The following HEATR5A variants were observed in gnomAD, a reference collection of about 807,000 sequenced individuals.
The protein encoded by HEATR5A is HEAT repeat-containing protein 5A.
A neutral mutation model predicts 218.8 loss-of-function variants in HEATR5A; 178 were observed. That is an observed-to-expected ratio of 0.81 (90% CI 0.72 to 0.92). HEATR5A has a LOEUF of 0.92. HEATR5A is among the 40% of genes least tolerant of loss of function. The pLI, the probability that HEATR5A is intolerant of heterozygous loss-of-function variation, is 0.00. For synonymous variants in HEATR5A, 864 were observed against 871.6 expected (o/e 0.99, Z 0.15); for missense variants, 2,420 against 2,418.9 (o/e 1.00, Z -0.01).
At chr14:31,314,410 C>T (rs8005726) in intron 27 of HEATR5A, among the ~76,000 whole-genome samples, 3,223 of 151,698 alleles carry the variant, frequency 0.021, 88 homozygotes, top group African/African-American at 0.067. Flanking sequence ...TATGCCACCA[C>T]GCCTGGCTAA....
At chr14:31,360,355 A>AGTC (rs1329066628) in intron 14 of HEATR5A, among the ~76,000 whole-genome samples, 1 of 152,186 alleles carries the variant, frequency 6.6e-6, no homozygotes, top group African/African-American at 2.4e-5. Flanking sequence ...TTTAAAAAAA[A>AGTC]TAAATTGGTA....
chr14:31,369,450 G>A (rs1298764159), intron 13 of HEATR5A, among the ~76,000 whole-genome samples: 2 of 151,336 alleles, frequency 1.3e-5, no homozygotes, highest in Non-Finnish European at 2.9e-5. Flanking sequence ...CTGTCTCTAT[G>A]AAAAACACAA....
intron 22 of HEATR5A, among the ~76,000 whole-genome samples, chr14:31,329,519 C>T (rs937828551): frequency 1.1e-4 from 17 of 152,308 alleles, no homozygotes; most frequent in Middle Eastern, 3.4e-3. Flanking sequence ...TCCTTTGATT[C>T]CATGTCTCAT....
chr14:31,317,488 G>T (rs1899951101), intron 26 of HEATR5A, among the ~76,000 whole-genome samples: 1 of 151,186 alleles, frequency 6.6e-6, no homozygotes, highest in Admixed American at 6.6e-5. Flanking sequence ...AGTAGACTGG[G>T]TTTCACCATG....
At chr14:31,350,544 C>A (rs1901184902) in intron 17 of HEATR5A, 68 bp downstream of exon 17, 2 of 848,902 alleles carry the variant, frequency 2.4e-6, no homozygotes, top group African/African-American at 3.5e-5. Flanking sequence ...CATCCTCCGA[C>A]AAACTTCATT....
At chr14:31,372,196 C>CAA (rs201678515) in intron 12 of HEATR5A, among the ~76,000 whole-genome samples, 76 of 75,504 alleles carry the variant, frequency 1.0e-3, no homozygotes, top group African/African-American at 2.2e-3. Flanking sequence ...AGCTTAGAAG[C>CAA]AAAAAAAAAA....
intron 18 of HEATR5A, 30 bp from the exon 19 acceptor site, chr14:31,347,937 A>C: frequency 7.4e-7 from 1 of 1,353,360 alleles, no homozygotes; most frequent in Non-Finnish European, 9.8e-7. Flanking sequence ...AATAAACGGT[A>C]ATCACTGCAA....
chr14:31,304,386 A>G (rs1375902663), intron 32 of HEATR5A, among the ~76,000 whole-genome samples: 1 of 152,202 alleles, frequency 6.6e-6, no homozygotes, highest in Non-Finnish European at 1.5e-5. Context: ...ATAGAAGAGC[A>G]TATCTATAAT....
Position 31,308,025 on chromosome 14 carries a change from G to A in HEATR5A, c.4691-5C>T, listed in dbSNP as rs1441651348. ...ATAGAAATTCCACGCTGATTCCTGT[G>A]GAAAGCAAAAAAAGAGGAGGAGGCT... On this transcript the variant is annotated splice_region_variant and splice_polypyrimidine_tract_variant and intron_variant, in intron 29 of 35. Transcript: ENST00000543095. 3 of 1,587,980 alleles carry A rather than the reference G, an allele frequency of 1.9e-6. No homozygotes were observed. The highest frequency in any genetic ancestry group is 1.9e-5 in the Admixed American group (1 of 52,514).
chr14:31,407,592 A>ATATATATATATATATATT, intron 1 of HEATR5A, among the ~76,000 whole-genome samples: 1 of 376 alleles, frequency 2.7e-3, no homozygotes, highest in African/African-American at 9.1e-3. Context: ...ATTTATATAT[A>ATATATATATATATATATT]TATATATATA....
chr14:31,347,648 G>T, intron 19 of HEATR5A, 100 bp downstream of exon 19: 1 of 893,462 alleles, frequency 1.1e-6, no homozygotes. Flanking sequence ...ATTACTATGG[G>T]AGGAAACTAT....
chr14:31,347,829 T>C lies in HEATR5A; in HGVS notation c.2787A>G (p.Gly929=). The part of the protein sequence containing the change: ...ALGSLHRYLG[G]ISSSQHLNSC... The stretch of plus-strand genomic sequence containing the variant: ...AATTTAGGTGTTGAGAAGAACTTAT[T>C]CCTCCTAAATACCTATGTAGGGACC... Residue 929 remains glycine (G), a synonymous_variant, in exon 19 of 36, where the codon GGA becomes GGG. Transcript: ENST00000543095. The C allele has an allele frequency of 6.2e-7, 1 of 1,604,166 alleles. No individual in the cohort carries two copies. The highest frequency in any genetic ancestry group is 8.5e-7 in the Non-Finnish European group (1 of 1,174,700).
At position 31,358,968 on chromosome 14, in the gene HEATR5A, G is replaced by A. The variant is rs1428488097; in HGVS notation, c.2161C>T (p.Leu721Phe). The A allele has an allele frequency of 6.3e-7, 1 of 1,590,504 alleles. No homozygotes were observed. Among genetic ancestry groups the A allele is most frequent in the African/African-American group, 1.4e-5 (1 of 73,232 alleles). Residue 721 changes from leucine to phenylalanine, a missense_variant, in exon 15 of 36, where the codon CTC becomes TTC. Coordinates refer to ENST00000543095, the MANE Select transcript of HEATR5A (RefSeq NM_015473.4). ...ATCAAAAGATCATCCTGATGACAGA[G>A]GGGTGGAAGTAAAAATGTAGATGCT... ...VAASTFLLPP[L>F]CHQDDLLILS...
At chr14:31,346,759 C>A (rs138259220) in intron 19 of HEATR5A, among the ~76,000 whole-genome samples, 2 of 151,738 alleles carry the variant, frequency 1.3e-5, no homozygotes, top group African/African-American at 4.8e-5. Flanking sequence ...AGAGAGAGTT[C>A]GAAAGAAAAG....
intron 1 of HEATR5A, among the ~76,000 whole-genome samples, chr14:31,412,738 T>C (rs148857798): frequency 0.016 from 2,451 of 152,016 alleles, 67 homozygotes; most frequent in East Asian, 0.065. Context: ...CTGGGCGTGG[T>C]GGCAGGCGCC....
intron 1 of HEATR5A, among the ~76,000 whole-genome samples, chr14:31,407,690 G>A (rs2031131280): frequency 8.7e-6 from 1 of 115,174 alleles, no homozygotes; most frequent in African/African-American, 3.3e-5. Context: ...GTGCAATGGT[G>A]CGATCTCGGC....
intron 1 of HEATR5A, among the ~76,000 whole-genome samples, chr14:31,406,574 T>A (rs1265162511): frequency 6.6e-6 from 1 of 152,184 alleles, no homozygotes; most frequent in Non-Finnish European, 1.5e-5. Context: ...AACCTGGGTG[T>A]GCACTTAAGC....
rs749488347 is a variant in HEATR5A at position 31,308,014 on chromosome 14, C to G, written c.4697G>C (p.Ser1566Thr). 1.9e-5 allele frequency: 31 copies of G among 1,606,612 alleles called. No homozygotes were observed. The highest frequency in any genetic ancestry group is 2.6e-5 in the Non-Finnish European group (31 of 1,177,798). The change falls in exon 30 of 36, where the codon AGC (serine) becomes ACC (threonine). Residue 1566 changes from serine (S) to threonine (T), a missense_variant. Transcript: ENST00000543095. ...ACGTAAGGAACATAGAAATTCCACGCTGATTCCTGTGGAAAGCAAAAAAAG... is the reference window on the plus strand; with the variant it reads ...ACGTAAGGAACATAGAAATTCCACGGTGATTCCTGTGGAAAGCAAAAAAAG... ...TDRFHLILGISVEFLCSLRSD... is the reference protein window; with the variant it reads ...TDRFHLILGITVEFLCSLRSD...
chr14:31,374,918 A>C lies in HEATR5A; in HGVS notation c.1759T>G (p.Cys587Gly). The change falls in exon 12 of 36, where the codon TGT becomes GGT. Residue 587 changes from cysteine (C) to glycine (G), a missense_variant. By Grantham distance (159) the Cys-to-Gly change is radical. Coordinates refer to ENST00000543095, the MANE Select transcript of HEATR5A (RefSeq NM_015473.4). ...HLARVLLLWK[C>G]VFPASPKDLE... ...TCTTTAGGAGATGCTGGAAAGACACACTTCCACAACAGCAGAACTCGAGCA... is the reference window on the plus strand; with the variant it reads ...TCTTTAGGAGATGCTGGAAAGACACCCTTCCACAACAGCAGAACTCGAGCA... 1 of 1,612,744 alleles carries C rather than the reference A, an allele frequency of 6.2e-7. No individual in the cohort carries two copies. Among genetic ancestry groups the C allele is most frequent in the South Asian group, 1.1e-5 (1 of 90,738 alleles).
Sources: allele counts gnomAD v4.1 joint callset (sites outside exome capture counted in the v4.1 genomes callset), GRCh38; gene constraint gnomAD v4.1.1; transcripts MANE v1.5; gene names NCBI Gene and HGNC (gene_info 2026-07-23, HGNC 2026-07-21).